Variants in CCDC192 observed in about 807,000 individuals in gnomAD.
CCDC192 encodes the protein coiled-coil domain containing 192.
chr5:127,712,250 G>A (rs1751381208), intron 2 of CCDC192, among the ~76,000 whole-genome samples: 1 of 152,120 alleles, frequency 6.6e-6, no homozygotes, highest in African/African-American at 2.4e-5. Context: ...CTGCAGATTG[G>A]ATATGGTTTG....
chr5:127,938,466 C>T (rs1754244417), intron 6 of CCDC192, among the ~76,000 whole-genome samples: 1 of 152,186 alleles, frequency 6.6e-6, no homozygotes, highest in Admixed American at 6.5e-5. Context: ...AACACATCCA[C>T]CTGGGTTTCA....
chr5:127,733,604 C>G (rs1393369328), intron 2 of CCDC192, among the ~76,000 whole-genome samples: 3 of 152,134 alleles, frequency 2.0e-5, no homozygotes, highest in Admixed American at 2.0e-4. Flanking sequence ...TTCAGAGGTT[C>G]TTTAGGAGAG....
chr5:127,719,396 T>A (rs1244908337), intron 2 of CCDC192, among the ~76,000 whole-genome samples: 2 of 148,584 alleles, frequency 1.3e-5, no homozygotes, highest in Non-Finnish European at 3.0e-5. Flanking sequence ...CTTGTTTCCT[T>A]TATATTTTAT....
intron 2 of CCDC192, among the ~76,000 whole-genome samples, chr5:127,740,742 A>G (rs1318446822): frequency 6.6e-6 from 1 of 152,190 alleles, no homozygotes; most frequent in African/African-American, 2.4e-5. Flanking sequence ...CAACAAAACT[A>G]ATTTTGAAAA....
At chr5:127,789,537 A>G (rs922202722) in intron 3 of CCDC192, among the ~76,000 whole-genome samples, 1 of 152,258 alleles carries the variant, frequency 6.6e-6, no homozygotes, top group African/African-American at 2.4e-5. Flanking sequence ...GTGGATATTT[A>G]GCTGAAGATG....
At chr5:127,912,419 C>CAAAATAAAAAAA (rs1753397509) in intron 6 of CCDC192, among the ~76,000 whole-genome samples, 1 of 81,452 alleles carries the variant, frequency 1.2e-5, no homozygotes, top group Non-Finnish European at 2.2e-5. Flanking sequence ...CTGGGTTTAG[C>CAAAATAAAAAAA]AAAAAAAAAA....
chr5:127,847,740 T>TTG (rs1191717029), intron 5 of CCDC192, among the ~76,000 whole-genome samples: 1 of 151,394 alleles, frequency 6.6e-6, no homozygotes, highest in African/African-American at 2.4e-5. Flanking sequence ...GAGAATCCAC[T>TTG]TGAACCTGGA....
At chr5:127,813,214 TC>T (rs1391096655) in intron 5 of CCDC192, among the ~76,000 whole-genome samples, 1 of 152,146 alleles carries the variant, frequency 6.6e-6, no homozygotes, top group African/African-American at 2.4e-5. Context: ...ACTTAAACTG[TC>T]CCTATTTCAT....
chr5:127,929,245 C>T (rs1450902813), intron 6 of CCDC192, among the ~76,000 whole-genome samples: 1 of 152,184 alleles, frequency 6.6e-6, no homozygotes, highest in Admixed American at 6.5e-5. Context: ...GCTGTAGTAT[C>T]TTTTGCAGTT....
At chr5:127,760,770 C>T (rs1190709609) in intron 3 of CCDC192, among the ~76,000 whole-genome samples, 5 of 151,154 alleles carry the variant, frequency 3.3e-5, no homozygotes, top group East Asian at 1.9e-4. Flanking sequence ...CCAAGAGCCC[C>T]GTGTTATAGT....
At chr5:127,854,229 T>G (rs181229669) in intron 5 of CCDC192, among the ~76,000 whole-genome samples, 3 of 152,286 alleles carry the variant, frequency 2.0e-5, no homozygotes, top group Admixed American at 2.0e-4. Context: ...CCTACACATT[T>G]TTTCTCTTTT....
At chr5:127,717,737 G>T (rs931467533) in intron 2 of CCDC192, among the ~76,000 whole-genome samples, 2 of 151,846 alleles carry the variant, frequency 1.3e-5, no homozygotes, top group Non-Finnish European at 1.5e-5. Flanking sequence ...GCAATGGGTA[G>T]GAGGGGGAAA....
chr5:127,752,609 G>C (rs1421479884), intron 2 of CCDC192, among the ~76,000 whole-genome samples: 2 of 152,230 alleles, frequency 1.3e-5, no homozygotes, highest in Non-Finnish European at 2.9e-5. Context: ...TACAGAGGCA[G>C]GCAGGCCTCC....
intron 5 of CCDC192, among the ~76,000 whole-genome samples, chr5:127,848,022 T>A (rs1278570806): frequency 2.6e-5 from 4 of 151,948 alleles, no homozygotes; most frequent in Non-Finnish European, 5.9e-5. Flanking sequence ...GTCTTCAAAC[T>A]CCTGACCTCA....
At chr5:127,706,525 G>GAAAAA (rs1224118510) in intron 1 of CCDC192, among the ~76,000 whole-genome samples, 65 of 59,604 alleles carry the variant, frequency 1.1e-3, no homozygotes, top group Non-Finnish European at 1.3e-3. Flanking sequence ...CTCCATCTCA[G>GAAAAA]AAAAAAAAAA....
At chr5:127,874,767 C>T (rs1188548797) in intron 5 of CCDC192, among the ~76,000 whole-genome samples, 1 of 152,168 alleles carries the variant, frequency 6.6e-6, no homozygotes, top group Non-Finnish European at 1.5e-5. Flanking sequence ...AAATGCAACA[C>T]CTTTCACAAC....
chr5:127,724,456 A>T (rs1752195449), intron 2 of CCDC192, among the ~76,000 whole-genome samples: 1 of 152,170 alleles, frequency 6.6e-6, no homozygotes, highest in South Asian at 2.1e-4. Context: ...TGTTATTGAA[A>T]ATCTAGAAAG....
chr5:127,790,553 A>T (rs1056661308), intron 3 of CCDC192, among the ~76,000 whole-genome samples: 11 of 152,128 alleles, frequency 7.2e-5, no homozygotes, highest in Admixed American at 3.3e-4. Flanking sequence ...ACTAGAACTT[A>T]TGTCTCCTAT....
chr5:127,768,020 G>C (rs1320244566), intron 3 of CCDC192, among the ~76,000 whole-genome samples: 1 of 152,146 alleles, frequency 6.6e-6, no homozygotes, highest in Non-Finnish European at 1.5e-5. Flanking sequence ...TTGGGAGGCC[G>C]AGGTGGGCGG....
Sources: allele counts gnomAD v4.1 joint callset (sites outside exome capture counted in the v4.1 genomes callset), GRCh38; gene constraint gnomAD v4.1.1; transcripts MANE v1.5; gene names NCBI Gene and HGNC (gene_info 2026-07-23, HGNC 2026-07-21).